Variants in TCF4 observed in about 807,000 individuals in gnomAD.
TCF4 encodes the protein SL3-3 enhancer factor 2.
Under a neutral mutation model 82.1 loss-of-function variants are expected in TCF4, and 3 were observed. The observed-to-expected ratio is 0.04, with a 90% CI of 0.02 to 0.09. The LOEUF (loss-of-function observed/expected upper bound fraction) is 0.09, where lower values mean the gene tolerates loss of function less well. TCF4 is among the 10% of genes least tolerant of loss of function. The pLI, the probability that TCF4 is intolerant of heterozygous loss-of-function variation, is 1.00. For missense variants in TCF4, 518 were observed against 852.7 expected, an observed-to-expected ratio of 0.61 and a Z score of 4.89; for synonymous variants, 276 against 309.6, an observed-to-expected ratio of 0.89 and a Z score of 1.14.
chr18:55,502,863 T>C (rs1054600887), intron 3 of TCF4, among the ~76,000 whole-genome samples: 1 of 152,208 alleles, frequency 6.6e-6, no homozygotes, highest in Non-Finnish European at 1.5e-5. Context: ...AAGCAGGATA[T>C]GTAAAATGAA....
intron 8 of TCF4, among the ~76,000 whole-genome samples, chr18:55,337,865 G>A (rs941871403): frequency 2.6e-5 from 4 of 151,978 alleles, no homozygotes; most frequent in Non-Finnish European, 5.9e-5. Flanking sequence ...TCCGACGTCC[G>A]ATGGCCATGT....
chr18:55,256,103 C>T (rs2056757998), intron 14 of TCF4, among the ~76,000 whole-genome samples: 1 of 151,400 alleles, frequency 6.6e-6, no homozygotes, highest in South Asian at 2.1e-4. Flanking sequence ...ATAATACATA[C>T]TTACTTCTGA....
chr18:55,569,770 TA>T (rs1405941690), intron 3 of TCF4, among the ~76,000 whole-genome samples: 1 of 152,164 alleles, frequency 6.6e-6, no homozygotes, highest in Non-Finnish European at 1.5e-5. Context: ...ATCAGACACC[TA>T]AAACAATGGA....
At chr18:55,534,255 A>G (rs1369280216) in intron 3 of TCF4, among the ~76,000 whole-genome samples, 1 of 152,234 alleles carries the variant, frequency 6.6e-6, no homozygotes, top group African/African-American at 2.4e-5. Flanking sequence ...GGGACGCTCA[A>G]CCTGTAATGC....
At chr18:55,503,483 T>C (rs941891228) in intron 3 of TCF4, among the ~76,000 whole-genome samples, 2 of 152,186 alleles carry the variant, frequency 1.3e-5, no homozygotes, top group African/African-American at 2.4e-5. Flanking sequence ...CTCCTCCTCA[T>C]AGAATAGATG....
At chr18:55,325,224 T>A (rs1263132070) in intron 8 of TCF4, among the ~76,000 whole-genome samples, 1 of 152,182 alleles carries the variant, frequency 6.6e-6, no homozygotes, top group Non-Finnish European at 1.5e-5. Context: ...AACTTTGGGT[T>A]AAGCTCCATT....
chr18:55,558,801 A>G (rs1346105824), intron 3 of TCF4, among the ~76,000 whole-genome samples: 1 of 152,168 alleles, frequency 6.6e-6, no homozygotes, highest in Non-Finnish European at 1.5e-5. Flanking sequence ...CTCCAATGGC[A>G]CAATGAGGCT....
intron 15 of TCF4, among the ~76,000 whole-genome samples, chr18:55,243,184 T>A (rs962856826): frequency 6.6e-6 from 1 of 152,210 alleles, no homozygotes; most frequent in East Asian, 1.9e-4. Flanking sequence ...TCATTTTATA[T>A]CAATAAGTGG....
Position 55,579,454 on chromosome 18 carries a change from C to CA in TCF4, c.145+5825dup, listed in dbSNP as rs34291028. Reference sequence around the variant, plus strand: ...GCCATAAAAAATAGCTCATAAAATACAAAAAAAAAAATAATAAAGAAAGGG... The same window carrying CA: ...GCCATAAAAAATAGCTCATAAAATACAAAAAAAAAAAATAATAAAGAAAGGG... On this transcript the variant is annotated intron_variant, in intron 3 of 19. Coordinates refer to ENST00000354452, the MANE Select transcript of TCF4 (RefSeq NM_001083962.2). Among the ~76,000 whole-genome samples the CA allele has an allele frequency of 9.0e-4, 136 of 150,290 alleles. 1 individual carries two copies. The highest frequency in any genetic ancestry group is 3.4e-3 in the Middle Eastern group (1 of 294).
At chr18:55,310,246 A>G (rs925381875) in intron 8 of TCF4, among the ~76,000 whole-genome samples, 3 of 152,212 alleles carry the variant, frequency 2.0e-5, no homozygotes, top group African/African-American at 7.2e-5. Context: ...GAAGGAATTG[A>G]AATTCCATTA....
intron 6 of TCF4, among the ~76,000 whole-genome samples, chr18:55,364,649 G>C (rs2086359320): frequency 6.6e-6 from 1 of 152,164 alleles, no homozygotes; most frequent in African/African-American, 2.4e-5. Context: ...TAAAGACTAA[G>C]GTGATTATAT....
chr18:55,538,026 GCA>G (rs57686777), intron 3 of TCF4, among the ~76,000 whole-genome samples: 19,253 of 130,756 alleles, frequency 0.15, 1,397 homozygotes, highest in African/African-American at 0.22. Context: ...CTGCGCGCGC[GCA>G]CACACACACA....
chr18:55,254,529 C>T lies in TCF4; in HGVS notation c.1318G>A (p.Gly440Ser), dbSNP rs759754956. 47 of 1,613,636 alleles carry T rather than the reference C, an allele frequency of 2.9e-5. 1 individual carries two copies. The South Asian group carries it at 4.1e-4, about 14-fold the overall frequency. ...MGGLGSGYGT[G>S]LLSANRHSLM... ...GAATGTCTGTTGGCTGAAAGAAGGC[C>T]GGTTCCATACCCTGAGCCCAGACCA... is the stretch of plus-strand genomic sequence containing the variant. The change falls in exon 15 of 20, where the codon GGC becomes AGC. Residue 440 changes from glycine (G) to serine (S), a missense_variant. Gly to Ser is a moderately conservative substitution (Grantham distance 56, BLOSUM62 0). Coordinates refer to ENST00000354452, the MANE Select transcript of TCF4 (RefSeq NM_001083962.2).
chr18:55,439,349 A>G (rs2095394273), intron 5 of TCF4, among the ~76,000 whole-genome samples: 1 of 152,192 alleles, frequency 6.6e-6, no homozygotes, highest in Non-Finnish European at 1.5e-5. Context: ...CCAGCAACAA[A>G]GGAGGCTGCC....
At chr18:55,368,836 ACATGCCAGCTG>A (rs1006052220) in intron 6 of TCF4, among the ~76,000 whole-genome samples, 14 of 152,224 alleles carry the variant, frequency 9.2e-5, no homozygotes, top group Non-Finnish European at 1.2e-4. Flanking sequence ...TCTGATTCAA[ACATGCCAGCTG>A]TAAAAAGGCA....
intron 2 of TCF4, chr18:55,585,637 A>G: frequency 1.7e-6 from 1 of 588,472 alleles, no homozygotes; most frequent in Non-Finnish European, 2.5e-6. Flanking sequence ...TGTTATCAAG[A>G]TTCAGGTTGG....
intron 2 of TCF4, chr18:55,596,166 G>T (rs1023763801): frequency 4.7e-6 from 2 of 426,836 alleles, no homozygotes; most frequent in Non-Finnish European, 9.4e-6. Flanking sequence ...GGAGGTGGAG[G>T]TTGCAGTGAG....
At chr18:55,312,795 T>C (rs2072958667) in intron 8 of TCF4, among the ~76,000 whole-genome samples, 1 of 152,158 alleles carries the variant, frequency 6.6e-6, no homozygotes, top group African/African-American at 2.4e-5. Context: ...CTCTGGGAAG[T>C]AGGATTACCA....
At position 55,544,900 on chromosome 18, in the gene TCF4, A is replaced by C. The variant is rs566085422; in HGVS notation, c.145+40380T>G. Among the ~76,000 whole-genome samples the C allele has an allele frequency of 5.9e-5, 9 of 152,312 alleles. No individual in the cohort carries two copies. The South Asian group carries it at 1.9e-3, about 32-fold the overall frequency. On this transcript the variant is annotated intron_variant, in intron 3 of 19. Transcript: ENST00000354452. ...TTCTTTGATAACATGTGAACTTACC[A>C]GTGTTTCTAGAGTACTACCACAGCA...
Sources: gnomAD v4.1 joint callset for allele counts (sites outside exome capture counted in the v4.1 genomes callset) on GRCh38, gnomAD v4.1.1 for gene constraint, MANE v1.5 for transcripts, NCBI Gene and HGNC (gene_info 2026-07-23, HGNC 2026-07-21) for gene names.